The following SULF2 variants were observed in gnomAD, a reference collection of about 807,000 sequenced individuals.
SULF2 encodes the protein extracellular sulfatase Sulf-2.
Under a neutral mutation model 107.7 loss-of-function variants are expected in SULF2, and 52 were observed. The ratio of observed to expected loss-of-function variants is 0.48; its 90% CI spans 0.39 to 0.61. SULF2 has a LOEUF of 0.61. Ranked by LOEUF, SULF2 falls within the 20% of genes least tolerant of loss-of-function variation. SULF2 has a pLI of 0.00. For synonymous variants in SULF2, 460 were observed against 464.3 expected (o/e 0.99, Z 0.12); for missense variants, 993 against 1,177.3 (o/e 0.84, Z 2.29).
chr20:47,746,112 T>TAC (rs1210635156), intron 2 of SULF2, among the ~76,000 whole-genome samples: 1 of 152,236 alleles, frequency 6.6e-6, no homozygotes, highest in African/African-American at 2.4e-5. Context: ...CCACCACCCC[T>TAC]ACCATGCCGA....
At chr20:47,783,805 C>T (rs2090873370) in intron 1 of SULF2, among the ~76,000 whole-genome samples, 1 of 152,148 alleles carries the variant, frequency 6.6e-6, no homozygotes, top group South Asian at 2.1e-4. Flanking sequence ...CCACCACCTT[C>T]GCCTTTCAAG....
At chr20:47,699,638 A>C (rs2088498961) in intron 4 of SULF2, among the ~76,000 whole-genome samples, 2 of 152,058 alleles carry the variant, frequency 1.3e-5, no homozygotes, top group Non-Finnish European at 2.9e-5. Context: ...CAGTCCCCGG[A>C]GGGTGCTGGC....
At chr20:47,665,435 A>C (rs1013622494) in intron 13 of SULF2, 142 bp from the exon 14 acceptor site, 2 of 679,654 alleles carry the variant, frequency 2.9e-6, no homozygotes, top group African/African-American at 3.6e-5. Flanking sequence ...AAGCACCGGC[A>C]TGTCTGGGTG....
At chr20:47,683,462 CTT>C (rs2087896928) in intron 6 of SULF2, among the ~76,000 whole-genome samples, 1 of 152,244 alleles carries the variant, frequency 6.6e-6, no homozygotes, top group Non-Finnish European at 1.5e-5. Flanking sequence ...AGGGCAGACA[CTT>C]TTGTCATTTT....
intron 3 of SULF2, among the ~76,000 whole-genome samples, chr20:47,709,248 G>A (rs929612765): frequency 6.6e-6 from 1 of 152,216 alleles, no homozygotes; most frequent in Non-Finnish European, 1.5e-5. Flanking sequence ...CAGCACAAGA[G>A]GAGGGGCAAG....
rs16992731 is a variant in SULF2 at position 47,663,285 on chromosome 20, A to C, written c.2228-73T>G. 1,345 of 1,601,508 alleles carry C rather than the reference A, an allele frequency of 8.4e-4. 5 individuals are homozygous for C. The African/African-American group carries it at 0.016, about 19-fold the overall frequency. ...CCATCTGCCAACAGTGATTCCTGTC[A>C]GGGACAGCCCCTAAAACCAGTTCGT... On this transcript the variant is annotated intron_variant, in intron 16 of 20. Transcript: ENST00000688720.
At chr20:47,749,876 G>C (rs947836925) in intron 2 of SULF2, among the ~76,000 whole-genome samples, 39 of 152,178 alleles carry the variant, frequency 2.6e-4, no homozygotes, top group African/African-American at 8.9e-4. Context: ...ACCCAGGCCT[G>C]GGCCTCTCTC....
intron 3 of SULF2, among the ~76,000 whole-genome samples, chr20:47,705,039 G>A (rs1303710863): frequency 6.6e-6 from 1 of 152,222 alleles, no homozygotes; most frequent in Non-Finnish European, 1.5e-5. Flanking sequence ...ACACTTTCCA[G>A]GAGTGGGAAA....
intron 4 of SULF2, among the ~76,000 whole-genome samples, chr20:47,692,416 C>A (rs1386553869): frequency 6.6e-6 from 1 of 152,172 alleles, no homozygotes; most frequent in Non-Finnish European, 1.5e-5. Flanking sequence ...ATATATTATA[C>A]ACACACATAC....
At position 47,684,416 on chromosome 20, in the gene SULF2, G is replaced by A; in HGVS notation, c.888+15C>T. 2 of 1,599,570 alleles carry A rather than the reference G, an allele frequency of 1.3e-6. No individual in the cohort carries two copies. Among genetic ancestry groups the A allele is most frequent in the African/African-American group, 1.3e-5 (1 of 74,470 alleles). Reference sequence around the variant, plus strand: ...CGGAGCCACGCCCACCAAGAGGCATGCAGCGGGCGCCTACCGTCTCCATGG... The same window carrying A: ...CGGAGCCACGCCCACCAAGAGGCATACAGCGGGCGCCTACCGTCTCCATGG... On this transcript the variant is annotated intron_variant, in intron 6 of 20. Coordinates refer to ENST00000688720, the MANE Select transcript of SULF2 (RefSeq NM_001387048.1).
In SULF2 at chr20:47,698,683, G is replaced by C. The variant is rs373180899; in HGVS notation, c.567+3836C>G. On this transcript the variant is annotated intron_variant, in intron 4 of 20. Coordinates refer to ENST00000688720, the MANE Select transcript of SULF2 (RefSeq NM_001387048.1). ...TATTTCCTCTTTGATTAAGCCACTGGGAGTTAAATTTCTGTTCACAAACAA... is the reference window on the plus strand; with the variant it reads ...TATTTCCTCTTTGATTAAGCCACTGCGAGTTAAATTTCTGTTCACAAACAA... Among the ~76,000 whole-genome samples, 16 of 152,116 alleles carry C rather than the reference G, an allele frequency of 1.1e-4. 1 individual carries two copies. In the East Asian group the frequency reaches 2.7e-3, roughly 26 times the overall value.
chr20:47,683,836 G>A (rs77179421), intron 6 of SULF2, among the ~76,000 whole-genome samples: 22,092 of 152,274 alleles, frequency 0.15, 1,960 homozygotes, highest in East Asian at 0.32. Context: ...TGATTCATGC[G>A]ACACCAGGGG....
chr20:47,786,256 G>A (rs1309360397), upstream of SULF2: 1 of 152,212 alleles, frequency 6.6e-6, no homozygotes, highest in Non-Finnish European at 1.5e-5. Context: ...GGCTGGAAAC[G>A]ACGTGAATCT....
chr20:47,779,466 C>T (rs576008356), intron 1 of SULF2, among the ~76,000 whole-genome samples: 16 of 152,220 alleles, frequency 1.1e-4, no homozygotes, highest in Non-Finnish European at 1.9e-4. Context: ...AAGCCACTCT[C>T]GGGCCCTCTC....
At chr20:47,742,880 T>A (rs561331496) in intron 2 of SULF2, among the ~76,000 whole-genome samples, 1 of 151,236 alleles carries the variant, frequency 6.6e-6, no homozygotes, top group East Asian at 1.9e-4. Context: ...AAACACTATC[T>A]ATGGGGACTT....
At chr20:47,726,760 A>G (rs2089454143) in intron 3 of SULF2, among the ~76,000 whole-genome samples, 1 of 152,270 alleles carries the variant, frequency 6.6e-6, no homozygotes, top group South Asian at 2.1e-4. Context: ...CACCTAGGAG[A>G]GGACTACAAA....
chr20:47,719,660 G>A, intron 3 of SULF2, among the ~76,000 whole-genome samples: 1 of 152,214 alleles, frequency 6.6e-6, no homozygotes, highest in East Asian at 1.9e-4. Flanking sequence ...GGGTATCTGT[G>A]GCACAAATCC....
chr20:47,660,548 A>G (rs565385995), intron 18 of SULF2, among the ~76,000 whole-genome samples: 1 of 150,522 alleles, frequency 6.6e-6, no homozygotes, highest in Non-Finnish European at 1.5e-5. Flanking sequence ...TTTTTAGGCC[A>G]CTCTCTCTCA....
chr20:47,750,435 C>T (rs2090135859), intron 2 of SULF2, among the ~76,000 whole-genome samples: 2 of 152,180 alleles, frequency 1.3e-5, no homozygotes, highest in East Asian at 3.8e-4. Flanking sequence ...GAAATATGAC[C>T]AGCACTTACT....
Sources: gnomAD v4.1 joint callset for allele counts (sites outside exome capture counted in the v4.1 genomes callset) on GRCh38, gnomAD v4.1.1 for gene constraint, MANE v1.5 for transcripts, NCBI Gene and HGNC (gene_info 2026-07-23, HGNC 2026-07-21) for gene names.